The following POM121C variants were observed in gnomAD, a reference collection of about 807,000 sequenced individuals.
The protein encoded by POM121C is nuclear envelope pore membrane protein POM 121C.
In POM121C, 20 loss-of-function variants were observed where a neutral mutation model predicts 66.4. That is an observed-to-expected ratio of 0.30 (90% CI 0.21 to 0.44). The LOEUF is 0.44. Among genes scored for constraint, POM121C ranks in the 20% least tolerant of loss-of-function variants. POM121C has a pLI of 1.00. For missense variants in POM121C, 580 were observed against 1,225.7 expected (o/e 0.47, Z 7.87); for synonymous variants, 286 against 528.0 (o/e 0.54, Z 6.28).
chr7:75,437,769 A>G, intron 6 of POM121C, 83 bp from the exon 7 acceptor site: 2 of 1,481,826 alleles, frequency 1.3e-6, no homozygotes, highest in Non-Finnish European at 1.8e-6. Context: ...CATCTTTCTT[A>G]ATAACATGAA....
rs1411910723 is a variant in POM121C, at chr7:75,422,410, G to A, written c.1842C>T (p.Gly614=). 2 of 1,608,178 alleles carry A rather than the reference G, an allele frequency of 1.2e-6. No homozygotes were observed. The highest frequency in any genetic ancestry group is 2.7e-5 in the African/African-American group (2 of 74,776). ...ASAASFTPAM[G]SIFQFGKPPA... is the part of the protein sequence containing the mutation. ...GAGGTTTGCCAAACTGGAATATGGA[G>A]CCCATGGCCGGGGTGAAGCTGGCAG... The change falls in exon 13 of 15, where the codon GGC becomes GGT. Residue 614 remains glycine, a synonymous_variant. Transcript: ENST00000615331.
intron 7 of POM121C, among the ~76,000 whole-genome samples, chr7:75,432,256 AAGACTT>A (rs1401464991): frequency 6.6e-6 from 1 of 152,120 alleles, no homozygotes; most frequent in Non-Finnish European, 1.5e-5. Context: ...TGTATACCGA[AAGACTT>A]AGACAATTAT....
Position 75,416,913 on chromosome 7 carries a change from C to T in POM121C, c.*1883G>A, listed in dbSNP as rs1291665110. On this transcript the variant is annotated 3_prime_UTR_variant, in exon 15 of 15. Transcript: ENST00000615331. ...TTTGTAATGGAAAGTCCCAGCCTCCCGCTGCCGTCCAGTGTGTGTACTGTA... is the reference window on the plus strand; with the variant it reads ...TTTGTAATGGAAAGTCCCAGCCTCCTGCTGCCGTCCAGTGTGTGTACTGTA... 20 of 1,429,160 alleles carry T rather than the reference C, an allele frequency of 1.4e-5. 1 individual carries two copies. The highest frequency in any genetic ancestry group is 1.1e-4 in the South Asian group (7 of 65,854). 88.5% of individuals were successfully genotyped at this position (1,429,160 alleles called of 1,614,324 possible).
rs368723160 is a variant in POM121C at position 75,468,126 on chromosome 7, TAAAAAA to T, written c.-152+6572_-152+6577del. On this transcript the variant is annotated intron_variant, in intron 3 of 14. Transcript: ENST00000615331. ...CAACCTGGGCAACAGAGACTCTGTC[TAAAAAA>T]AAAAAAAAAAAAAAAAAAAAGAAAA... is the stretch of plus-strand genomic sequence containing the variant. Among the ~76,000 whole-genome samples, 5 of 64,362 alleles carry T rather than the reference TAAAAAA, an allele frequency of 7.8e-5. No individual in the cohort carries two copies. The East Asian group carries it at 4.0e-3, about 51-fold the overall frequency. The allele number at this position is 64,362 out of a possible 152,430, so 42.2% of individuals were successfully genotyped here. A position where few individuals can be genotyped will look rare whatever the true frequency, so the allele number is the denominator to read the frequency against.
At chr7:75,467,623 A>C (rs1222159910) in intron 3 of POM121C, among the ~76,000 whole-genome samples, 1 of 152,084 alleles carries the variant, frequency 6.6e-6, no homozygotes, top group Non-Finnish European at 1.5e-5. Flanking sequence ...GAGAAATCAT[A>C]ATCTGGAATA....
At chr7:75,430,907 T>G (rs1271608765) in intron 7 of POM121C, among the ~76,000 whole-genome samples, 2 of 151,642 alleles carry the variant, frequency 1.3e-5, no homozygotes, top group South Asian at 2.1e-4. Flanking sequence ...AAACCCTGTC[T>G]TTACTAAAAA....
rs1448814475 is a variant in POM121C, at chr7:75,483,357, G to T, written c.-458+2507C>A. On this transcript the variant is annotated intron_variant, in intron 1 of 14. Transcript: ENST00000615331. Reference sequence around the variant, plus strand: ...GTTTCTCCTTATAATCAATGCAAACGATGTCATGGATGGTGATATGGTTTC... The same window carrying T: ...GTTTCTCCTTATAATCAATGCAAACTATGTCATGGATGGTGATATGGTTTC... 2.6e-4 allele frequency among the ~76,000 whole-genome samples: 40 copies of T among 152,214 alleles called. 1 individual carries two copies. The highest frequency in any genetic ancestry group is 5.2e-4 in the Admixed American group (8 of 15,288).
intron 3 of POM121C, among the ~76,000 whole-genome samples, chr7:75,441,973 GCAA>G (rs1790666540): frequency 1.7e-3 from 19 of 11,434 alleles, no homozygotes; most frequent in Non-Finnish European, 5.0e-3. Context: ...CTCACACCAA[GCAA>G]GAGTCAGAGG....
intron 7 of POM121C, among the ~76,000 whole-genome samples, chr7:75,432,556 G>A (rs1554472497): frequency 1.3e-5 from 2 of 152,144 alleles, no homozygotes; most frequent in African/African-American, 4.8e-5. Context: ...ATGGGGAGTG[G>A]GCAGGAGGGA....
rs1789721712 is a variant in POM121C at position 75,421,807 on chromosome 7, G to A, written c.2445C>T (p.Thr815=). The change falls in exon 13 of 15, where the codon ACC becomes ACT. Residue 815 remains threonine (T), a synonymous_variant. Coordinates refer to ENST00000615331, the MANE Select transcript of POM121C (RefSeq NM_001099415.3). ...TGCTGCTCCCGCTGCTGGCGGTCTG[G>A]GTGGTGGCTCCAAAGCCGGAGCTGG... ...AATSSGFGAT[T]QTASSGSSSS... is the part of the protein sequence containing the mutation. 2 of 1,608,884 alleles carry A rather than the reference G, an allele frequency of 1.2e-6. No homozygotes were observed. Among genetic ancestry groups the A allele is most frequent in the South Asian group, 2.2e-5 (2 of 90,954 alleles).
At position 75,424,165 on chromosome 7, in the gene POM121C, G is replaced by A. The variant is rs1554471344; in HGVS notation, c.932C>T (p.Thr311Ile). 2 of 1,612,032 alleles carry A rather than the reference G, an allele frequency of 1.2e-6. No homozygotes were observed. The highest frequency in any genetic ancestry group is 1.3e-5 in the African/African-American group (1 of 74,982). Reference protein sequence around the residue: ...PPTTQPSFTFTLPAAATASPP... With the variant: ...PPTTQPSFTFILPAAATASPP... ...GGAGGCAGTTGCAGCAGCAGGCAGG[G>A]TAAAGGTAAATGAAGGCTGAGTGGT... The change falls in exon 12 of 15, where the codon ACC becomes ATC. Residue 311 changes from threonine to isoleucine, a missense_variant. Physicochemically the swap from Thr to Ile is moderately conservative, Grantham distance 89 (BLOSUM62 -1). Coordinates refer to ENST00000615331, the MANE Select transcript of POM121C (RefSeq NM_001099415.3).
intron 3 of POM121C, among the ~76,000 whole-genome samples, chr7:75,446,896 T>C (rs1450614646): frequency 7.0e-6 from 1 of 143,608 alleles, no homozygotes; most frequent in Non-Finnish European, 1.5e-5. Context: ...TAGTCCCAGC[T>C]ACTCGGGAGG....
Position 75,447,076 on chromosome 7 carries a change from G to C in POM121C, c.-151-5429C>G, listed in dbSNP as rs1790844793. Among the ~76,000 whole-genome samples the C allele has an allele frequency of 7.1e-5, 10 of 140,516 alleles. 1 individual carries two copies. The South Asian group carries it at 2.3e-3, about 32-fold the overall frequency. 92.2% of individuals were successfully genotyped at this position (140,516 alleles called of 152,430 possible). A position where few individuals can be genotyped will look rare whatever the true frequency, so the allele number is the denominator to read the frequency against. ...AACAAGGTAAAATCTCCAATGTCTG[G>C]CATCCTGGCATCCTATTACTAGGCA... is the stretch of plus-strand genomic sequence containing the variant. On this transcript the variant is annotated intron_variant, in intron 3 of 14. Coordinates refer to ENST00000615331, the MANE Select transcript of POM121C (RefSeq NM_001099415.3).
At chr7:75,457,880 T>C (rs1445978974) in intron 3 of POM121C, among the ~76,000 whole-genome samples, 1 of 152,206 alleles carries the variant, frequency 6.6e-6, no homozygotes, top group African/African-American at 2.4e-5. Context: ...ACAGTTGATA[T>C]ATATATTTTT....
intron 3 of POM121C, among the ~76,000 whole-genome samples, chr7:75,463,195 A>G (rs1554477283): frequency 6.6e-6 from 1 of 152,082 alleles, no homozygotes; most frequent in Non-Finnish European, 1.5e-5. Flanking sequence ...GTGGTGGAAA[A>G]TTAGCCAGGT....
At chr7:75,450,170 A>G (rs1459896664) in intron 3 of POM121C, among the ~76,000 whole-genome samples, 2 of 152,260 alleles carry the variant, frequency 1.3e-5, no homozygotes, top group Admixed American at 1.3e-4. Context: ...TGGCTTCTAG[A>G]ACTGTGAGAA....
chr7:75,463,866 A>G (rs1187855881), intron 3 of POM121C, among the ~76,000 whole-genome samples: 2 of 151,508 alleles, frequency 1.3e-5, no homozygotes, highest in Admixed American at 6.6e-5. Flanking sequence ...CTGTTTTTGG[A>G]TTTTTAGTAG....
In POM121C at chr7:75,442,646, C is replaced by G. The variant is rs1554474261; in HGVS notation, c.-151-999G>C. Reference sequence around the variant, plus strand: ...CCCGGCCGGCCCGCCGCAGCCCCGGCCCCGGCCGTCCCTGACACTCGCTAT... The same window carrying G: ...CCCGGCCGGCCCGCCGCAGCCCCGGGCCCGGCCGTCCCTGACACTCGCTAT... On this transcript the variant is annotated intron_variant, in intron 3 of 14. Transcript: ENST00000615331. 4 of 1,477,710 alleles carry G rather than the reference C, an allele frequency of 2.7e-6. No individual in the cohort carries two copies. The South Asian group carries it at 5.2e-5, about 19-fold the overall frequency. The allele number at this position is 1,477,710 out of a possible 1,614,324, so 91.5% of individuals were successfully genotyped here.
In POM121C at chr7:75,441,541, T is replaced by C; in HGVS notation, c.-45A>G. The C allele has an allele frequency of 6.2e-7, 1 of 1,613,692 alleles. No individual in the cohort carries two copies. Among genetic ancestry groups the C allele is most frequent in the Non-Finnish European group, 8.5e-7 (1 of 1,179,732 alleles). On this transcript the variant is annotated 5_prime_UTR_variant, in exon 4 of 15. Transcript: ENST00000615331. ...AGCACAGCCTTCTTGTGATAACCATTCCAGCACACTGTGGGAAGTACCCCC... is the reference window on the plus strand; with the variant it reads ...AGCACAGCCTTCTTGTGATAACCATCCCAGCACACTGTGGGAAGTACCCCC...
Sources: allele counts gnomAD v4.1 joint callset (sites outside exome capture counted in the v4.1 genomes callset), GRCh38; gene constraint gnomAD v4.1.1; transcripts MANE v1.5; gene names NCBI Gene and HGNC (gene_info 2026-07-23, HGNC 2026-07-21).